Variants in UPF3B observed in about 807,000 individuals in gnomAD.
The protein encoded by UPF3B is UPF3B regulator of nonsense mediated mRNA decay.
A neutral mutation model predicts 40.3 loss-of-function variants in UPF3B; 7 were observed. The observed-to-expected ratio is 0.17, with a 90% CI of 0.10 to 0.33. The LOEUF is 0.33. UPF3B is among the 10% of genes least tolerant of loss of function. The pLI, the probability that UPF3B is intolerant of heterozygous loss-of-function variation, is 1.00. For missense variants in UPF3B, 229 were observed against 358.9 expected (o/e 0.64, Z 2.93); for synonymous variants, 117 against 117.3 (o/e 1.00, Z 0.01).
intron 4 of UPF3B, among the ~76,000 whole-genome samples, chrX:119,820,130 C>A (rs1286410896): frequency 9.1e-6 from 1 of 110,097 alleles, no homozygotes; most frequent in African/African-American, 3.3e-5. Flanking sequence ...CAGGCATGTG[C>A]CACCTCAATC....
intron 4 of UPF3B, 136 bp from the exon 5 acceptor site, chrX:119,843,437 C>A: frequency 2.2e-6 from 1 of 460,070 alleles, no homozygotes; most frequent in Admixed American, 3.7e-5. Flanking sequence ...ACCATACCCA[C>A]AAGGTAGACT....
chrX:119,807,689 T>G (rs775716821), intron 5 of UPF3B: 2 of 379,047 alleles, frequency 5.3e-6, no homozygotes, highest in African/African-American at 5.5e-5. Flanking sequence ...CTCAGTAATT[T>G]AAGACCAAAA....
intron 4 of UPF3B, among the ~76,000 whole-genome samples, chrX:119,820,925 C>A (rs142724916): frequency 1.8e-5 from 2 of 111,786 alleles, no homozygotes. Flanking sequence ...GAAAATCAGG[C>A]AAAAGCTCAA....
intron 1 of UPF3B, among the ~76,000 whole-genome samples, chrX:119,852,183 T>C (rs770987684): frequency 8.9e-6 from 1 of 111,924 alleles, no homozygotes; most frequent in African/African-American, 3.2e-5. Context: ...ACAGATCTAG[T>C]GGCAATAACT....
At chrX:119,832,408 A>G (rs923910817), downstream of UPF3B, among the ~76,000 whole-genome samples, 7 of 111,019 alleles carry the variant, frequency 6.3e-5, no homozygotes, top group Non-Finnish European at 5.7e-5. Context: ...ACAGGTGCCC[A>G]CCACCACACT....
chrX:119,837,599 T>C (rs1454472040), intron 10 of UPF3B, among the ~76,000 whole-genome samples, 158 bp downstream of exon 10: 2 of 90,763 alleles, frequency 2.2e-5, no homozygotes, highest in South Asian at 5.4e-4. Flanking sequence ...CTGGGCAACA[T>C]AGTCAGACTC....
intron 3 of UPF3B, among the ~76,000 whole-genome samples, chrX:119,850,206 G>C (rs1457201247): frequency 9.0e-6 from 1 of 111,403 alleles, no homozygotes; most frequent in Non-Finnish European, 1.9e-5. Flanking sequence ...GGCTGAGGTG[G>C]GAGGATTGCT....
intron 10 of UPF3B, among the ~76,000 whole-genome samples, chrX:119,836,940 G>A (rs1441828543): frequency 6.8e-5 from 7 of 102,891 alleles, no homozygotes; most frequent in Middle Eastern, 6.0e-3. Context: ...GTGAGCCACC[G>A]CGCCCGGCCA....
At chrX:119,822,138 A>G (rs889884021) in intron 4 of UPF3B, among the ~76,000 whole-genome samples, 1 of 112,774 alleles carries the variant, frequency 8.9e-6, no homozygotes, top group Non-Finnish European at 1.9e-5. Context: ...AAACAAAAGT[A>G]ACCCTAAAAT....
intron 3 of UPF3B, among the ~76,000 whole-genome samples, chrX:119,826,523 G>A (rs749109282): frequency 9.0e-6 from 1 of 111,314 alleles, no homozygotes; most frequent in African/African-American, 3.3e-5. Flanking sequence ...AGCCAACACC[G>A]ACATCTCTAT....
At chrX:119,850,994 C>A (rs1338749608) in intron 3 of UPF3B, among the ~76,000 whole-genome samples, 2 of 112,138 alleles carry the variant, frequency 1.8e-5, no homozygotes, top group Non-Finnish European at 3.8e-5. Flanking sequence ...CCTGCCTCGG[C>A]ATCCCAAAGT....
intron 4 of UPF3B, among the ~76,000 whole-genome samples, chrX:119,817,718 A>T (rs1351063166): frequency 8.9e-6 from 1 of 112,268 alleles, no homozygotes; most frequent in Admixed American, 9.6e-5. Context: ...GGCATTAAAA[A>T]GGAGAAAGCA....
chrX:119,822,525 T>A (rs2055931993), intron 4 of UPF3B, among the ~76,000 whole-genome samples: 1 of 112,690 alleles, frequency 8.9e-6, no homozygotes, highest in Admixed American at 9.5e-5. Flanking sequence ...AATAAAATTG[T>A]ACTTCCAATT....
chrX:119,817,225 T>A, intron 4 of UPF3B, among the ~76,000 whole-genome samples: 1 of 111,690 alleles, frequency 9.0e-6, no homozygotes, highest in Non-Finnish European at 1.9e-5. Context: ...GGCCTTGGTA[T>A]CCCAAAGCTG....
At position 119,852,693 on chromosome X, in the gene UPF3B, G is replaced by C. The variant is rs997075276; in HGVS notation, c.156+80C>G. 1.3e-5 allele frequency: 15 copies of C among 1,176,246 alleles called. No homozygotes were observed. The African/African-American group carries it at 2.3e-4, about 18-fold the overall frequency. ...TAGAAGGAGAACCTGAGAAAGAAAG[G>C]GGGCAGCCCCATTCCCAGCCATCCT... On this transcript the variant is annotated intron_variant, in intron 1 of 10. Transcript: ENST00000276201.
intron 5 of UPF3B, among the ~76,000 whole-genome samples, chrX:119,842,686 C>A (rs947672742): frequency 9.2e-6 from 1 of 109,173 alleles, no homozygotes; most frequent in African/African-American, 3.3e-5. Context: ...ACAAAAAAAC[C>A]CCACATATTC....
At chrX:119,840,194 G>A (rs1397835497) in intron 8 of UPF3B, among the ~76,000 whole-genome samples, 1 of 111,864 alleles carries the variant, frequency 8.9e-6, no homozygotes, top group Non-Finnish European at 1.9e-5. Context: ...GCAAGGTTGG[G>A]ATCTTTCTGC....
intron 3 of UPF3B, among the ~76,000 whole-genome samples, chrX:119,851,173 A>G (rs2056298667): frequency 8.9e-6 from 1 of 112,594 alleles, no homozygotes; most frequent in African/African-American, 3.2e-5. Flanking sequence ...TAAGAAGTAA[A>G]TATTTAAAAC....
intron 3 of UPF3B, among the ~76,000 whole-genome samples, chrX:119,847,578 C>A (rs6646495): frequency 9.1e-6 from 1 of 110,189 alleles, no homozygotes; most frequent in East Asian, 2.8e-4. Context: ...CCAGCCTGGC[C>A]AACATGGTGA....
Sources: gnomAD v4.1 joint callset for allele counts (sites outside exome capture counted in the v4.1 genomes callset) on GRCh38, gnomAD v4.1.1 for gene constraint, MANE v1.5 for transcripts, NCBI Gene and HGNC (gene_info 2026-07-23, HGNC 2026-07-21) for gene names.